The following SNX29 variants were observed in gnomAD, a reference collection of about 807,000 sequenced individuals.
The protein encoded by SNX29 is sorting nexin-29.
A neutral mutation model predicts 102.1 loss-of-function variants in SNX29; 78 were observed. The ratio of observed to expected loss-of-function variants is 0.76; its 90% CI spans 0.64 to 0.92. The LOEUF is 0.92. Ranked by LOEUF, SNX29 falls within the 40% of genes least tolerant of loss-of-function variation. The probability of loss-of-function intolerance (pLI) is 0.00; values close to 1 mark genes in which losing one functional copy is unlikely to be tolerated. For missense variants in SNX29, 1,280 were observed against 1,061.7 expected (o/e 1.21, Z -2.86); for synonymous variants, 580 against 414.5 (o/e 1.40, Z -4.85).
chr16:12,550,285 C>T (rs118042610), intron 20 of SNX29, among the ~76,000 whole-genome samples: 2,069 of 152,182 alleles, frequency 0.014, 52 homozygotes, highest in South Asian at 0.11. Context: ...ACCTGTAATC[C>T]CAGTACTGTG....
intron 14 of SNX29, among the ~76,000 whole-genome samples, chr16:12,261,163 CCCGG>C: frequency 6.7e-6 from 1 of 148,420 alleles, no homozygotes; most frequent in Non-Finnish European, 1.5e-5. Flanking sequence ...TGCACGTGTC[CCCGG>C]CTGGAGTGAG....
intron 14 of SNX29, among the ~76,000 whole-genome samples, chr16:12,210,551 A>T (rs183389513): frequency 2.4e-4 from 37 of 151,718 alleles, no homozygotes; most frequent in Non-Finnish European, 3.8e-4. Flanking sequence ...GAGCCAAGAG[A>T]CAGAGAAAGT....
chr16:12,567,742 C>T (rs1182915933), intron 20 of SNX29, among the ~76,000 whole-genome samples: 2 of 152,144 alleles, frequency 1.3e-5, no homozygotes, highest in Admixed American at 6.5e-5. Context: ...AAAACCTGGG[C>T]AAGAGTCGAG....
chr16:12,239,108 G>C (rs1019445499), intron 14 of SNX29, among the ~76,000 whole-genome samples: 1 of 152,226 alleles, frequency 6.6e-6, no homozygotes, highest in Non-Finnish European at 1.5e-5. Flanking sequence ...GGCGTGTGAA[G>C]TGTAGTCTTT....
Position 12,421,853 on chromosome 16 carries a change from A to ATCCATCACCATCACCAGCCG in SNX29, c.2037+18378_2037+18397dup, listed in dbSNP as rs71139590. ...TAGCCATGCATCACCATCACCAGCC[A>ATCCATCACCATCACCAGCCG]TCCATCACCATCACCAGCCGTCCAT... On this transcript the variant is annotated intron_variant, in intron 18 of 20. Transcript: ENST00000566228. 2.5e-4 allele frequency among the ~76,000 whole-genome samples: 37 copies of ATCCATCACCATCACCAGCCG among 150,880 alleles called. 1 individual carries two copies. The highest frequency in any genetic ancestry group is 6.9e-4 in the African/African-American group (28 of 40,470).
rs117744064 is a variant in SNX29, at chr16:12,234,243, G to A, written c.1678+34560G>A. Among the ~76,000 whole-genome samples the A allele has an allele frequency of 7.3e-3, 1,114 of 152,242 alleles. 12 individuals carry two copies. Among genetic ancestry groups the A allele is most frequent in the Non-Finnish European group, 0.01 (691 of 68,012 alleles). On this transcript the variant is annotated intron_variant, in intron 14 of 20. Coordinates refer to ENST00000566228, the MANE Select transcript of SNX29 (RefSeq NM_032167.5). ...TTTTTTTTATTGTAGCCATCGAGTG[G>A]ATGTGAAGTGGCACCTTCACGTTTG...
rs538010102 is a variant in SNX29 at position 12,481,853 on chromosome 16, T to A, written c.2178+3994T>A. On this transcript the variant is annotated intron_variant, in intron 19 of 20. Coordinates refer to ENST00000566228, the MANE Select transcript of SNX29 (RefSeq NM_032167.5). ...GGGGCCATACCCGGCCCCATGATTG[T>A]CCTTTGATTCCTTCTTTCTTTTTCT... Among the ~76,000 whole-genome samples the A allele has an allele frequency of 2.0e-5, 3 of 152,254 alleles. No individual in the cohort carries two copies. The South Asian group carries it at 6.2e-4, about 32-fold the overall frequency.
At chr16:12,134,020 T>A (rs371860505) in intron 13 of SNX29, among the ~76,000 whole-genome samples, 15 of 152,342 alleles carry the variant, frequency 9.8e-5, no homozygotes, top group East Asian at 7.7e-4. Flanking sequence ...CCTGGGCAGC[T>A]GCGAGTTCCT....
intron 13 of SNX29, among the ~76,000 whole-genome samples, chr16:12,197,188 T>C (rs1381418616): frequency 6.6e-6 from 1 of 152,206 alleles, no homozygotes; most frequent in Non-Finnish European, 1.5e-5. Context: ...CTTTCCCTGA[T>C]TTTAAGATAT....
At chr16:11,984,996 G>A (rs1308919044) in intron 1 of SNX29, among the ~76,000 whole-genome samples, 1 of 150,550 alleles carries the variant, frequency 6.6e-6, no homozygotes, top group Non-Finnish European at 1.5e-5. Context: ...TAATGATGCA[G>A]TGAACATTTT....
At chr16:12,405,329 G>A (rs1381344680) in intron 18 of SNX29, among the ~76,000 whole-genome samples, 3 of 152,198 alleles carry the variant, frequency 2.0e-5, no homozygotes, top group Admixed American at 2.0e-4. Flanking sequence ...ACGGACCTTA[G>A]CAAATATGCC....
chr16:12,433,802 C>T (rs933542175), intron 18 of SNX29, among the ~76,000 whole-genome samples: 1 of 152,068 alleles, frequency 6.6e-6, no homozygotes, highest in Admixed American at 6.5e-5. Context: ...CCAGCCCAGG[C>T]GACAGAGTGA....
rs576353208 is a variant in SNX29 at position 12,572,825 on chromosome 16, A to G, written c.*4196A>G. 144 of 1,063,882 alleles carry G rather than the reference A, an allele frequency of 1.4e-4. 1 individual carries two copies. The African/African-American group carries it at 2.2e-3, about 16-fold the overall frequency. 65.9% of individuals were successfully genotyped at this position (1,063,882 alleles called of 1,614,324 possible). On this transcript the variant is annotated 3_prime_UTR_variant, in exon 21 of 21. Coordinates refer to ENST00000566228, the MANE Select transcript of SNX29 (RefSeq NM_032167.5). ...CATCAGACTGGTTAGGAGGCATCCC[A>G]GAAGGGGCAGCCTCATGCCCAGGTT...
intron 13 of SNX29, among the ~76,000 whole-genome samples, chr16:12,170,725 G>C (rs1275087650): frequency 6.6e-6 from 1 of 151,686 alleles, no homozygotes; most frequent in East Asian, 1.9e-4. Context: ...TTCTGTGGGA[G>C]AGGAGGCTGT....
At chr16:12,051,695 T>A in intron 7 of SNX29, 152 bp from the exon 8 acceptor site, 1 of 1,192,078 alleles carries the variant, frequency 8.4e-7, no homozygotes, top group South Asian at 1.6e-5. Flanking sequence ...GTACACAGAT[T>A]TTCACTGAGG....
At chr16:12,089,921 AGTT>A (rs2052423985) in intron 11 of SNX29, 1 of 290,944 alleles carries the variant, frequency 3.4e-6, no homozygotes, top group Non-Finnish European at 6.7e-6. Context: ...GGGAGTCCTG[AGTT>A]GACTTAGCGG....
chr16:12,132,983 C>T (rs1053043249), intron 13 of SNX29, among the ~76,000 whole-genome samples: 18 of 152,346 alleles, frequency 1.2e-4, no homozygotes, highest in African/African-American at 4.1e-4. Flanking sequence ...TGTTGGCTGA[C>T]AGTGGCTTGC....
intron 11 of SNX29, among the ~76,000 whole-genome samples, chr16:12,115,373 C>A (rs1215333979): frequency 6.6e-6 from 1 of 151,718 alleles, no homozygotes; most frequent in Non-Finnish European, 1.5e-5. Flanking sequence ...AAACCCCAGG[C>A]AGGGATGGGA....
At chr16:12,400,227 C>G (rs1019853684) in intron 17 of SNX29, among the ~76,000 whole-genome samples, 2 of 152,234 alleles carry the variant, frequency 1.3e-5, no homozygotes, top group Non-Finnish European at 2.9e-5. Flanking sequence ...TCACTCACCT[C>G]TGGCTTCGTT....
Sources: gnomAD v4.1 joint callset for allele counts (sites outside exome capture counted in the v4.1 genomes callset) on GRCh38, gnomAD v4.1.1 for gene constraint, MANE v1.5 for transcripts, NCBI Gene and HGNC (gene_info 2026-07-23, HGNC 2026-07-21) for gene names.